STAG1: variants seen among roughly 807,000 people sequenced by gnomAD.
STAG1 encodes the protein STAG1 cohesin complex component, also known as cohesin subunit SA-1.
Under a neutral mutation model 170.9 loss-of-function variants are expected in STAG1, and 26 were observed. The observed-to-expected ratio is 0.15, with a 90% confidence interval of 0.11 to 0.21. The LOEUF (loss-of-function observed/expected upper bound fraction) is 0.21, where lower values mean the gene tolerates loss of function less well. Ranked by LOEUF, STAG1 falls within the 10% of genes least tolerant of loss-of-function variation. STAG1 has a pLI of 1.00. For missense variants in STAG1, 964 were observed against 1,509.5 expected, an observed-to-expected ratio of 0.64 and a Z score of 5.99; for synonymous variants, 514 against 497.7, an observed-to-expected ratio of 1.03 and a Z score of -0.44.
chr3:136,528,465 A>G (rs1935183707), intron 6 of STAG1, among the ~76,000 whole-genome samples: 1 of 150,006 alleles, frequency 6.7e-6, no homozygotes, highest in South Asian at 2.1e-4. Context: ...AAAGGAATAC[A>G]ATAATTCCCC....
intron 6 of STAG1, among the ~76,000 whole-genome samples, chr3:136,535,659 T>C (rs1245748948): frequency 6.6e-6 from 1 of 152,106 alleles, no homozygotes; most frequent in Non-Finnish European, 1.5e-5. Flanking sequence ...TGAGACTCTG[T>C]CTCAAAACAA....
Position 136,630,990 on chromosome 3 carries a change from T to C in STAG1, c.-83-9A>G. 8.4e-7 allele frequency: 1 copy of C among 1,195,550 alleles called. No individual in the cohort carries two copies. Among genetic ancestry groups the C allele is most frequent in the Admixed American group, 2.9e-5 (1 of 35,034 alleles). The allele number at this position is 1,195,550 out of a possible 1,614,324, so 74.1% of individuals were successfully genotyped here. ...TAACCTCAAAGGCAATCCTGTCAAT[T>C]AAAAAAAAGAAATTATTTTAAAATA... On this transcript the variant is annotated splice_polypyrimidine_tract_variant and intron_variant, in intron 1 of 33. Transcript: ENST00000383202.
At chr3:136,751,402 C>A (rs964743924) in intron 1 of STAG1, among the ~76,000 whole-genome samples, 2 of 152,178 alleles carry the variant, frequency 1.3e-5, no homozygotes, top group African/African-American at 4.8e-5. Flanking sequence ...CAACTCCAAG[C>A]ACTCTAGTTT....
intron 4 of STAG1, among the ~76,000 whole-genome samples, chr3:136,593,280 G>A (rs544211109): frequency 9.9e-5 from 15 of 152,268 alleles, no homozygotes; most frequent in Non-Finnish European, 1.2e-4. Context: ...ACCCCAACAC[G>A]TAGCACATTA....
intron 6 of STAG1, among the ~76,000 whole-genome samples, chr3:136,527,658 A>C (rs573694318): frequency 6.6e-6 from 1 of 152,088 alleles, no homozygotes; most frequent in Non-Finnish European, 1.5e-5. Flanking sequence ...GGGGAGAGGC[A>C]ATCTGATTTT....
intron 9 of STAG1, among the ~76,000 whole-genome samples, chr3:136,484,922 G>A (rs573684960): frequency 2.6e-5 from 4 of 152,076 alleles, no homozygotes; most frequent in African/African-American, 9.6e-5. Context: ...GCAATGCCTC[G>A]CCCTGCTTCG....
At chr3:136,648,966 T>C (rs757761442) in intron 1 of STAG1, among the ~76,000 whole-genome samples, 1 of 152,192 alleles carries the variant, frequency 6.6e-6, no homozygotes, top group African/African-American at 2.4e-5. Flanking sequence ...GAGGATAATA[T>C]TCCAATTCCT....
At chr3:136,543,058 A>G (rs888833301) in intron 5 of STAG1, among the ~76,000 whole-genome samples, 7 of 152,200 alleles carry the variant, frequency 4.6e-5, no homozygotes, top group African/African-American at 1.7e-4. Context: ...ATATTCAAAC[A>G]CAAAAAAGAA....
chr3:136,377,386 CAA>C (rs57934830), intron 23 of STAG1, among the ~76,000 whole-genome samples: 11 of 42,582 alleles, frequency 2.6e-4, no homozygotes, highest in African/African-American at 9.8e-4. Context: ...GACTCTGTCT[CAA>C]AAAAAAAAAA....
intron 1 of STAG1, among the ~76,000 whole-genome samples, chr3:136,678,850 CAA>C (rs559610524): frequency 8.5e-5 from 3 of 35,406 alleles, no homozygotes; most frequent in Non-Finnish European, 1.2e-4. Context: ...CCCATGCTCA[CAA>C]AAAAAAAAAA....
chr3:136,463,057 G>C (rs898990384), intron 13 of STAG1, among the ~76,000 whole-genome samples: 36 of 152,108 alleles, frequency 2.4e-4, no homozygotes, highest in Non-Finnish European at 2.9e-4. Context: ...AAAAAAGAAA[G>C]ACTACAGTAC....
At chr3:136,471,080 C>G (rs1242422307) in intron 12 of STAG1, among the ~76,000 whole-genome samples, 1 of 147,894 alleles carries the variant, frequency 6.8e-6, no homozygotes, top group East Asian at 2.0e-4. Context: ...ACATATGTAA[C>G]AAAGCTGCAC....
intron 14 of STAG1, among the ~76,000 whole-genome samples, chr3:136,446,511 C>T (rs1432755364): frequency 1.3e-5 from 2 of 151,936 alleles, no homozygotes; most frequent in Non-Finnish European, 2.9e-5. Flanking sequence ...CAACCTCCGC[C>T]TCCCAGGTTC....
chr3:136,456,353 A>G (rs2089111691), intron 13 of STAG1, among the ~76,000 whole-genome samples: 1 of 152,224 alleles, frequency 6.6e-6, no homozygotes, highest in African/African-American at 2.4e-5. Context: ...CTAGAAATAA[A>G]GAATATAACT....
At chr3:136,633,530 T>G (rs547214204) in intron 1 of STAG1, among the ~76,000 whole-genome samples, 1 of 151,650 alleles carries the variant, frequency 6.6e-6, no homozygotes, top group Non-Finnish European at 1.5e-5. Context: ...TGAAACCCCA[T>G]CTCCACTAAA....
Position 136,367,007 on chromosome 3 carries a change from T to C in STAG1, c.2621A>G (p.Lys874Arg). ...KRRNLLAAFS[K>R]LIIYDIVDMH... ...GTCAACAATGTCATAAATGATAAGTTTGCTGAAAGCAGCAAGTAGATTCCT... is the reference window on the plus strand; with the variant it reads ...GTCAACAATGTCATAAATGATAAGTCTGCTGAAAGCAGCAAGTAGATTCCT... The change falls in exon 25 of 34, where the codon AAA becomes AGA. Residue 874 changes from lysine to arginine, a missense_variant. This residue lies in a region of STAG1 where 149 missense variants were observed against 301.3 expected (regional missense o/e 0.49). Coordinates refer to ENST00000383202, the MANE Select transcript of STAG1 (RefSeq NM_005862.3). 1 of 1,611,760 alleles carries C rather than the reference T, an allele frequency of 6.2e-7. No homozygotes were observed. The highest frequency in any genetic ancestry group is 8.5e-7 in the Non-Finnish European group (1 of 1,178,414).
Position 136,428,886 on chromosome 3 carries a change from G to A in STAG1, c.1650+4670C>T, listed in dbSNP as rs567557136. On this transcript the variant is annotated intron_variant, in intron 16 of 33. Transcript: ENST00000383202. ...ATGAGGGCTCACGTCTGTAATCCCC[G>A]CACTGTGGGATGCCAAGGTGGGAGA... is the stretch of plus-strand genomic sequence containing the variant. 9.2e-5 allele frequency among the ~76,000 whole-genome samples: 14 copies of A among 152,310 alleles called. No homozygotes were observed. The South Asian group carries it at 1.5e-3, about 16-fold the overall frequency.
chr3:136,514,766 C>T (rs1934262300), intron 7 of STAG1, among the ~76,000 whole-genome samples: 1 of 152,124 alleles, frequency 6.6e-6, no homozygotes, highest in Admixed American at 6.5e-5. Context: ...TTTGCAGGGG[C>T]ATGGATGCAG....
intron 1 of STAG1, among the ~76,000 whole-genome samples, chr3:136,651,620 TC>T (rs1452455646): frequency 6.6e-6 from 1 of 152,122 alleles, no homozygotes; most frequent in East Asian, 1.9e-4. Context: ...TCATGCTAGA[TC>T]AGTATATATT....
Sources: allele counts gnomAD v4.1 joint callset (sites outside exome capture counted in the v4.1 genomes callset), GRCh38; gene constraint gnomAD v4.1.1; regional missense constraint gnomAD v4.1.1; transcripts MANE v1.5; gene names NCBI Gene and HGNC (gene_info 2026-07-23, HGNC 2026-07-21).